Variants in SCFD2 observed in about 807,000 individuals in gnomAD.
SCFD2 encodes the protein sec1 family domain containing 2.
Under a neutral mutation model 58.9 loss-of-function variants are expected in SCFD2, and 54 were observed. That is an observed-to-expected ratio of 0.92 (90% CI 0.74 to 1.15). The LOEUF is 1.15. Ranked by LOEUF, SCFD2 falls within the 50% of genes most tolerant of loss-of-function variation. SCFD2 has a pLI of 0.00. For synonymous variants in SCFD2, 321 were observed against 335.9 expected, an observed-to-expected ratio of 0.96 and a Z score of 0.49; for missense variants, 805 against 836.6, an observed-to-expected ratio of 0.96 and a Z score of 0.47.
intron 4 of SCFD2, among the ~76,000 whole-genome samples, chr4:53,247,393 G>A (rs548677659): frequency 5.9e-5 from 9 of 152,118 alleles, no homozygotes; most frequent in Non-Finnish European, 8.8e-5. Flanking sequence ...TACTAGGTAT[G>A]TACCCAAAAA....
intron 4 of SCFD2, among the ~76,000 whole-genome samples, chr4:53,237,613 T>A: frequency 9.1e-6 from 1 of 109,520 alleles, no homozygotes; most frequent in South Asian, 3.2e-4. Flanking sequence ...GCCCCTCACC[T>A]CCCGGACGGG....
intron 5 of SCFD2, among the ~76,000 whole-genome samples, chr4:53,021,737 T>C (rs62338963): frequency 0.19 from 28,159 of 152,102 alleles, 3,018 homozygotes; most frequent in Admixed American, 0.27. Flanking sequence ...AAAGCATTTC[T>C]GAACTTTTTG....
At chr4:53,106,178 C>T (rs1436028978) in intron 5 of SCFD2, among the ~76,000 whole-genome samples, 5 of 152,100 alleles carry the variant, frequency 3.3e-5, no homozygotes, top group African/African-American at 9.7e-5. Context: ...GCATCAACAT[C>T]AACAAAAAGG....
intron 5 of SCFD2, among the ~76,000 whole-genome samples, chr4:53,100,771 CTT>C (rs1010167782): frequency 3.9e-5 from 6 of 152,066 alleles, no homozygotes; most frequent in African/African-American, 1.4e-4. Context: ...CAAAAATTTG[CTT>C]TCTTTTTAAG....
intron 6 of SCFD2, among the ~76,000 whole-genome samples, chr4:52,915,394 A>T (rs370952031): frequency 6.6e-6 from 1 of 152,134 alleles, no homozygotes; most frequent in Non-Finnish European, 1.5e-5. Context: ...GCTTACTGGG[A>T]GGGTATTCAT....
intron 4 of SCFD2, among the ~76,000 whole-genome samples, chr4:53,175,149 A>G (rs1727291543): frequency 6.6e-6 from 1 of 152,240 alleles, no homozygotes; most frequent in Admixed American, 6.5e-5. Context: ...GTACCCTAAC[A>G]AATAGAAAAA....
At chr4:52,915,433 A>C (rs1411743904) in intron 6 of SCFD2, among the ~76,000 whole-genome samples, 3 of 152,182 alleles carry the variant, frequency 2.0e-5, no homozygotes, top group African/African-American at 4.8e-5. Flanking sequence ...AGCACAGAAA[A>C]ACATCTGTTC....
intron 5 of SCFD2, among the ~76,000 whole-genome samples, chr4:53,078,624 C>T (rs191918291): frequency 3.3e-5 from 5 of 152,170 alleles, no homozygotes; most frequent in Admixed American, 2.6e-4. Flanking sequence ...ACTTATAATG[C>T]TAATAAGGCA....
At chr4:53,046,546 T>C (rs960366764) in intron 5 of SCFD2, among the ~76,000 whole-genome samples, 1 of 152,128 alleles carries the variant, frequency 6.6e-6, no homozygotes, top group Admixed American at 6.6e-5. Context: ...CAGATTTTTT[T>C]TTTTTGTGAT....
At chr4:53,178,647 G>A (rs1727429702) in intron 4 of SCFD2, among the ~76,000 whole-genome samples, 1 of 152,342 alleles carries the variant, frequency 6.6e-6, no homozygotes, top group South Asian at 2.1e-4. Context: ...AAGCTGGACG[G>A]AGAATGACTT....
At chr4:53,095,379 A>G (rs1724591012) in intron 5 of SCFD2, among the ~76,000 whole-genome samples, 2 of 150,726 alleles carry the variant, frequency 1.3e-5, no homozygotes, top group African/African-American at 4.9e-5. Flanking sequence ...TCTCACATCT[A>G]ATCCTCCAGA....
At chr4:52,979,009 T>C (rs1291625272) in intron 5 of SCFD2, among the ~76,000 whole-genome samples, 1 of 149,776 alleles carries the variant, frequency 6.7e-6, no homozygotes, top group Non-Finnish European at 1.5e-5. Flanking sequence ...CCCTCTCTCT[T>C]CAGCCTCCCA....
At chr4:53,178,125 C>A (rs1727404367) in intron 4 of SCFD2, among the ~76,000 whole-genome samples, 1 of 152,224 alleles carries the variant, frequency 6.6e-6, no homozygotes, top group Non-Finnish European at 1.5e-5. Flanking sequence ...CCTCTGCAGA[C>A]TTAAATGTCC....
intron 7 of SCFD2, among the ~76,000 whole-genome samples, chr4:52,897,703 T>A (rs530509188): frequency 5.9e-5 from 9 of 152,170 alleles, no homozygotes; most frequent in Non-Finnish European, 8.8e-5. Flanking sequence ...TCTTTTTCTA[T>A]TGACTGGAAT....
rs529965772 is a variant in SCFD2 at position 52,974,021 on chromosome 4, A to C, written c.1562-53151T>G. ...ATTAGGTATTGATGGGACATATCTCAAAATAGTAAGAGCTATCTATGACAA... is the reference window on the plus strand; with the variant it reads ...ATTAGGTATTGATGGGACATATCTCCAAATAGTAAGAGCTATCTATGACAA... On this transcript the variant is annotated intron_variant, in intron 5 of 8. Transcript: ENST00000401642. Among the ~76,000 whole-genome samples the C allele has an allele frequency of 2.5e-3, 378 of 152,336 alleles. 3 individuals carry two copies. In the South Asian group the frequency reaches 0.047, roughly 19 times the overall value.
At chr4:53,210,270 G>A (rs1369835875) in intron 4 of SCFD2, among the ~76,000 whole-genome samples, 2 of 152,068 alleles carry the variant, frequency 1.3e-5, no homozygotes, top group Non-Finnish European at 2.9e-5. Context: ...GATACAAAGA[G>A]GCTCAGAAGG....
intron 3 of SCFD2, among the ~76,000 whole-genome samples, chr4:53,302,019 G>T (rs1371815349): frequency 6.6e-6 from 1 of 152,156 alleles, no homozygotes; most frequent in Non-Finnish European, 1.5e-5. Context: ...AAAACTGGAA[G>T]CATTCCCTTT....
intron 5 of SCFD2, among the ~76,000 whole-genome samples, chr4:53,071,212 C>G (rs1406721610): frequency 1.3e-5 from 2 of 152,062 alleles, no homozygotes; most frequent in Admixed American, 1.3e-4. Flanking sequence ...GAGCTTCAGT[C>G]CTTGATGATT....
chr4:53,186,141 C>A, intron 4 of SCFD2, among the ~76,000 whole-genome samples: 1 of 152,130 alleles, frequency 6.6e-6, no homozygotes, highest in African/African-American at 2.4e-5. Context: ...ATCTTTATGA[C>A]AGTCCTATAA....
Sources: gnomAD v4.1 joint callset for allele counts (sites outside exome capture counted in the v4.1 genomes callset) on GRCh38, gnomAD v4.1.1 for gene constraint, MANE v1.5 for transcripts, NCBI Gene and HGNC (gene_info 2026-07-23, HGNC 2026-07-21) for gene names.